MEGF6: variants seen among roughly 807,000 people sequenced by gnomAD.
MEGF6 encodes multiple epidermal growth factor-like domains protein 6.
In MEGF6, 184 loss-of-function variants were observed where a neutral mutation model predicts 207.1. That is an observed-to-expected ratio of 0.89 (90% CI 0.79 to 1.00). The LOEUF (loss-of-function observed/expected upper bound fraction) is 1.00, where lower values mean the gene tolerates loss of function less well. Among genes scored for constraint, MEGF6 ranks in the 50% least tolerant of loss-of-function variants. The pLI is 0.00. For synonymous variants in MEGF6, 1,038 were observed against 910.0 expected (o/e 1.14, Z -2.53); for missense variants, 2,282 against 2,202.9 (o/e 1.04, Z -0.72).
intron 14 of MEGF6, 81 bp downstream of exon 14, chr1:3,507,714 G>C: frequency 6.4e-7 from 1 of 1,572,492 alleles, no homozygotes; most frequent in East Asian, 2.2e-5. Context: ...AGGAGACAAG[G>C]AGGACGTGGA....
At chr1:3,520,454 G>C (rs867242921) in intron 5 of MEGF6, among the ~76,000 whole-genome samples, 34 of 152,208 alleles carry the variant, frequency 2.2e-4, no homozygotes, top group African/African-American at 7.7e-4. Context: ...ACCGGGGAAG[G>C]CAAGGGCGGG....
chr1:3,605,271 C>T (rs1169205627), intron 1 of MEGF6, among the ~76,000 whole-genome samples: 1 of 152,020 alleles, frequency 6.6e-6, no homozygotes, highest in East Asian at 1.9e-4. Flanking sequence ...CATACTCTCA[C>T]ACCCACACAA....
At chr1:3,567,138 G>A (rs549370656) in intron 4 of MEGF6, among the ~76,000 whole-genome samples, 10 of 152,356 alleles carry the variant, frequency 6.6e-5, no homozygotes, top group East Asian at 3.9e-4. Context: ...GATGGGCAAC[G>A]CCTCACCTAC....
intron 4 of MEGF6, among the ~76,000 whole-genome samples, chr1:3,543,372 C>T (rs774621544): frequency 2.0e-5 from 3 of 152,262 alleles, no homozygotes; most frequent in Non-Finnish European, 4.4e-5. Context: ...CGTTCGTGCT[C>T]ACTCTCGGCT....
chr1:3,491,348 C>T (rs1479592964), intron 35 of MEGF6, among the ~76,000 whole-genome samples: 1 of 152,122 alleles, frequency 6.6e-6, no homozygotes, highest in African/African-American at 2.4e-5. Context: ...GCACCCGGCA[C>T]CCAGCGCAGG....
chr1:3,548,728 G>C (rs1469258291), intron 4 of MEGF6, among the ~76,000 whole-genome samples: 1 of 152,148 alleles, frequency 6.6e-6, no homozygotes, highest in Non-Finnish European at 1.5e-5. Flanking sequence ...TGCTGGCACA[G>C]CTGGGTCCCC....
At chr1:3,535,642 C>T (rs555013912) in intron 4 of MEGF6, among the ~76,000 whole-genome samples, 22 of 152,300 alleles carry the variant, frequency 1.4e-4, no homozygotes, top group Non-Finnish European at 3.1e-4. Context: ...TCATTCTGCC[C>T]AGCTGGAACC....
rs1412370654 is a variant in MEGF6 at position 3,580,269 on chromosome 1, G to A, written c.377-340C>T. Among the ~76,000 whole-genome samples the A allele has an allele frequency of 2.1e-4, 31 of 148,978 alleles. 1 individual carries two copies. The highest frequency in any genetic ancestry group is 1.9e-3 in the Admixed American group (29 of 15,056). The stretch of plus-strand genomic sequence containing the variant: ...GGGTGGGAGGAGGGAAGGTGGGGGT[G>A]CAGGGGGGAGGGGTGGGCTGCCCAG... On this transcript the variant is annotated intron_variant, in intron 3 of 36. Coordinates refer to ENST00000356575, the MANE Select transcript of MEGF6 (RefSeq NM_001409.4).
At chr1:3,584,233 G>C (rs2101780879) in intron 3 of MEGF6, among the ~76,000 whole-genome samples, 2 of 152,356 alleles carry the variant, frequency 1.3e-5, no homozygotes, top group African/African-American at 4.8e-5. Flanking sequence ...TGAACCACAA[G>C]CAAACGCCTC....
In MEGF6 at chr1:3,542,527, G is replaced by C. The variant is rs982586775; in HGVS notation, c.482-18281C>G. The stretch of plus-strand genomic sequence containing the variant: ...GGTCCCCGAGGACCATGGTCAAGAG[G>C]AGGCAGAGGAAGGCAGGTGGAGAGA... On this transcript the variant is annotated intron_variant, in intron 4 of 36. Transcript: ENST00000356575. Among the ~76,000 whole-genome samples the C allele has an allele frequency of 1.8e-4, 28 of 152,300 alleles. 1 individual carries two copies. The highest frequency in any genetic ancestry group is 1.6e-3 in the Admixed American group (25 of 15,302).
chr1:3,524,384 C>T (rs1039748198), intron 4 of MEGF6, 138 bp from the exon 5 acceptor site: 4 of 1,102,880 alleles, frequency 3.6e-6, no homozygotes, highest in Non-Finnish European at 5.1e-6. Flanking sequence ...CCCTCACCCA[C>T]ATCTGCCGGA....
intron 4 of MEGF6, among the ~76,000 whole-genome samples, chr1:3,559,644 C>T (rs1027398410): frequency 1.3e-5 from 2 of 151,692 alleles, no homozygotes; most frequent in Non-Finnish European, 2.9e-5. Context: ...ACACTGAAAG[C>T]GCAGAGCCAT....
In MEGF6 at chr1:3,573,480, C is replaced by T. The variant is rs1643566049; in HGVS notation, c.481+6345G>A. Among the ~76,000 whole-genome samples, 1 of 152,212 alleles carries T rather than the reference C, an allele frequency of 6.6e-6. No individual in the cohort carries two copies. Among genetic ancestry groups the T allele is most frequent in the African/African-American group, 2.4e-5 (1 of 41,444 alleles). ...GGACCAGGGTCAGGTTAACCCGAGGCCACGTCCACAGGACAAAGCTGAGAT... is the reference window on the plus strand; with the variant it reads ...GGACCAGGGTCAGGTTAACCCGAGGTCACGTCCACAGGACAAAGCTGAGAT... On this transcript the variant is annotated intron_variant, in intron 4 of 36. Coordinates refer to ENST00000356575, the MANE Select transcript of MEGF6 (RefSeq NM_001409.4). The surrounding 1 kb of genome is among the most constrained non-coding windows in gnomAD (Gnocchi z 5.1).
In MEGF6 at chr1:3,493,255, CTATCCTCAGGTGAGCCCCTCT is replaced by C; in HGVS notation, c.4387+495_4388-489del. ...CCTCCTATCCTCAGGTGAGCCCCTC[CTATCCTCAGGTGAGCCCCTCT>C]TATCCTCAGGTGAGCCCCTCCTATC... On this transcript the variant is annotated intron_variant, in intron 34 of 36. Coordinates refer to ENST00000356575, the MANE Select transcript of MEGF6 (RefSeq NM_001409.4). 3 of 215,310 alleles carry C rather than the reference CTATCCTCAGGTGAGCCCCTCT, an allele frequency of 1.4e-5. No individual in the cohort carries two copies. The Admixed American group carries it at 1.6e-4, about 12-fold the overall frequency. 13.3% of individuals were successfully genotyped at this position (215,310 alleles called of 1,614,324 possible).
chr1:3,515,533 G>A lies in MEGF6; in HGVS notation c.605-6C>T. 2 of 1,610,890 alleles carry A rather than the reference G, an allele frequency of 1.2e-6. No individual in the cohort carries two copies. The highest frequency in any genetic ancestry group is 1.7e-6 in the Non-Finnish European group (2 of 1,178,504). On this transcript the variant is annotated splice_region_variant and splice_polypyrimidine_tract_variant and intron_variant, in intron 5 of 36. Transcript: ENST00000356575. The stretch of plus-strand genomic sequence containing the variant: ...CAGGGCGCAGGAGTTAATGGCTGGG[G>A]ACACAGGGAGGACCCCAAGTCAGCC...
intron 4 of MEGF6, among the ~76,000 whole-genome samples, chr1:3,545,278 C>A (rs1642665815): frequency 6.6e-6 from 1 of 152,204 alleles, no homozygotes; most frequent in Non-Finnish European, 1.5e-5. Flanking sequence ...TGCCAGAGAC[C>A]AGGTAGGGGG....
At chr1:3,575,812 T>C (rs1342063784) in intron 4 of MEGF6, among the ~76,000 whole-genome samples, 1 of 152,158 alleles carries the variant, frequency 6.6e-6, no homozygotes, top group Non-Finnish European at 1.5e-5. Flanking sequence ...TTATGGGACA[T>C]ACAAGATGAG....
intron 5 of MEGF6, among the ~76,000 whole-genome samples, chr1:3,516,685 GGCAGCGGCTGGA>G (rs1297691717): frequency 1.3e-5 from 2 of 152,208 alleles, no homozygotes; most frequent in Non-Finnish European, 1.5e-5. Flanking sequence ...CAACAGAGCA[GGCAGCGGCTGGA>G]GCAGCGGTGT....
At chr1:3,545,174 G>A (rs1023362944) in intron 4 of MEGF6, among the ~76,000 whole-genome samples, 2 of 152,112 alleles carry the variant, frequency 1.3e-5, no homozygotes, top group African/African-American at 4.8e-5. Context: ...TGCTGCCTCC[G>A]CAGGGACTCC....
Sources: allele counts gnomAD v4.1 joint callset (sites outside exome capture counted in the v4.1 genomes callset), GRCh38; gene constraint gnomAD v4.1.1; non-coding constraint Gnocchi (gnomAD v3.1); transcripts MANE v1.5; gene names NCBI Gene and HGNC (gene_info 2026-07-23, HGNC 2026-07-21).